The following SYK variants were observed in gnomAD, a reference collection of about 807,000 sequenced individuals.
The protein encoded by SYK is tyrosine-protein kinase SYK.
A neutral mutation model predicts 77.8 loss-of-function variants in SYK; 16 were observed. The observed-to-expected ratio is 0.21, with a 90% confidence interval of 0.14 to 0.31. The LOEUF is 0.31. Among genes scored for constraint, SYK ranks in the 10% least tolerant of loss-of-function variants. The probability of loss-of-function intolerance (pLI) is 1.00; values close to 1 mark genes in which losing one functional copy is unlikely to be tolerated. For synonymous variants in SYK, 312 were observed against 308.7 expected (o/e 1.01, Z -0.11); for missense variants, 529 against 814.4 (o/e 0.65, Z 4.26).
chr9:90,829,284 G>T (rs774861621), intron 1 of SYK, among the ~76,000 whole-genome samples: 5 of 133,052 alleles, frequency 3.8e-5, no homozygotes, highest in Non-Finnish European at 6.3e-5. Flanking sequence ...ATAAGACTCC[G>T]TCTCAAAAAA....
intron 13 of SYK, among the ~76,000 whole-genome samples, chr9:90,890,557 C>A (rs951335501): frequency 1.3e-5 from 2 of 152,232 alleles, no homozygotes; most frequent in African/African-American, 4.8e-5. Flanking sequence ...GGTTCCCACC[C>A]CAGTCCGCTC....
chr9:90,827,979 G>A (rs1007422900), intron 1 of SYK, among the ~76,000 whole-genome samples: 1 of 42,234 alleles, frequency 2.4e-5, no homozygotes, highest in Non-Finnish European at 4.0e-5. Flanking sequence ...GAATGCTAGC[G>A]ATTTTTTTTA....
intron 1 of SYK, among the ~76,000 whole-genome samples, chr9:90,824,650 G>A (rs1350660251): frequency 1.3e-5 from 2 of 151,490 alleles, no homozygotes; most frequent in African/African-American, 4.9e-5. Flanking sequence ...GGCAGAAAGG[G>A]CATTTGACAA....
chr9:90,842,639 GTGTT>G (rs766320886), intron 1 of SYK, among the ~76,000 whole-genome samples: 29 of 151,372 alleles, frequency 1.9e-4, no homozygotes, highest in African/African-American at 6.8e-4. Context: ...TGTAGTTTGT[GTGTT>G]TGGTGTGTGT....
At position 90,823,512 on chromosome 9, in the gene SYK, A is replaced by G. The variant is rs561812642; in HGVS notation, c.-41-20346A>G. On this transcript the variant is annotated intron_variant, in intron 1 of 13. Transcript: ENST00000375754. ...ACATTCTTGGAAAACATGTTAACACATTTGAAAGACTAAACGTCATACCAA... is the reference window on the plus strand; with the variant it reads ...ACATTCTTGGAAAACATGTTAACACGTTTGAAAGACTAAACGTCATACCAA... 9.4e-4 allele frequency among the ~76,000 whole-genome samples: 143 copies of G among 152,354 alleles called. 1 individual carries two copies. The highest frequency in any genetic ancestry group is 3.4e-3 in the Middle Eastern group (1 of 294).
intron 8 of SYK, 148 bp downstream of exon 8, chr9:90,874,439 G>T: frequency 2.2e-6 from 2 of 928,612 alleles, no homozygotes; most frequent in Non-Finnish European, 3.4e-6. Flanking sequence ...CTAGTGGCAG[G>T]CAGCAGGCAC....
At chr9:90,855,496 C>A (rs1053309127) in intron 3 of SYK, among the ~76,000 whole-genome samples, 1 of 152,150 alleles carries the variant, frequency 6.6e-6, no homozygotes, top group Non-Finnish European at 1.5e-5. Context: ...GTGGACACAA[C>A]CCTTTTTCTT....
intron 4 of SYK, among the ~76,000 whole-genome samples, chr9:90,863,225 T>C (rs1389597438): frequency 2.0e-5 from 3 of 152,140 alleles, no homozygotes; most frequent in Non-Finnish European, 2.9e-5. Context: ...CTATAAACTG[T>C]AGTAGGTTCA....
chr9:90,863,850 T>C (rs536484511), intron 4 of SYK, among the ~76,000 whole-genome samples: 1 of 152,336 alleles, frequency 6.6e-6, no homozygotes, highest in South Asian at 2.1e-4. Flanking sequence ...TGTGGCGTTC[T>C]GTCACCATTT....
chr9:90,872,989 C>G (rs1411776680), intron 7 of SYK, among the ~76,000 whole-genome samples: 1 of 152,174 alleles, frequency 6.6e-6, no homozygotes, highest in Non-Finnish European at 1.5e-5. Context: ...ACAAATAAGA[C>G]CAGATGTCCT....
At position 90,888,635 on chromosome 9, in the gene SYK, C is replaced by T. The variant is rs764556077; in HGVS notation, c.1835+8C>T. On this transcript the variant is annotated splice_region_variant and intron_variant, in intron 13 of 13. Coordinates refer to ENST00000375754, the MANE Select transcript of SYK (RefSeq NM_003177.7). ...TCTGTGCTGGACATACGAGTGAGTA[C>T]CTGACACTGACTGTGATGTATTCAG... is the stretch of plus-strand genomic sequence containing the variant. 2 of 1,568,882 alleles carry T rather than the reference C, an allele frequency of 1.3e-6. No individual in the cohort carries two copies. Among genetic ancestry groups the T allele is most frequent in the Non-Finnish European group, 1.7e-6 (2 of 1,154,892 alleles).
At chr9:90,870,330 T>C (rs1212026938) in intron 7 of SYK, among the ~76,000 whole-genome samples, 2 of 152,194 alleles carry the variant, frequency 1.3e-5, no homozygotes, top group African/African-American at 2.4e-5. Context: ...CAGGGAACTT[T>C]TCAGCTTTGC....
chr9:90,841,266 G>A (rs1290709490), intron 1 of SYK, among the ~76,000 whole-genome samples: 1 of 151,606 alleles, frequency 6.6e-6, no homozygotes, highest in Non-Finnish European at 1.5e-5. Flanking sequence ...TGCAGTGTGT[G>A]TGGGTGTGTA....
intron 7 of SYK, among the ~76,000 whole-genome samples, chr9:90,867,593 C>T (rs189459517): frequency 1.5e-3 from 224 of 152,280 alleles, no homozygotes; most frequent in Non-Finnish European, 1.9e-3. Flanking sequence ...ATGTAAGTTA[C>T]GTTGTGATGG....
rs1345334181 is a variant in SYK at position 90,884,649 on chromosome 9, A to G, written c.1582-3100A>G. ...TATGTGTACATGTACATATATACAC[A>G]TATACACATATGTGTACATGTACAT... On this transcript the variant is annotated intron_variant, in intron 11 of 13. Coordinates refer to ENST00000375754, the MANE Select transcript of SYK (RefSeq NM_003177.7). Among the ~76,000 whole-genome samples the G allele has an allele frequency of 6.9e-4, 36 of 52,544 alleles. 8 individuals carry two copies. The highest frequency in any genetic ancestry group is 1.2e-3 in the Non-Finnish European group (35 of 28,886). 34.5% of individuals were successfully genotyped at this position (52,544 alleles called of 152,430 possible). A position where few individuals can be genotyped will look rare whatever the true frequency, so the allele number is the denominator to read the frequency against.
At position 90,874,718 on chromosome 9, in the gene SYK, C is replaced by T. The variant is rs1480135262; in HGVS notation, c.1050C>T (p.Ser350=). Residue 350 remains serine, a synonymous_variant, in exon 9 of 14, where the codon AGC becomes AGT. Coordinates refer to ENST00000375754, the MANE Select transcript of SYK (RefSeq NM_003177.7). ...ALPMDTEVYE[S]PYADPEEIRP... Reference sequence around the variant, plus strand: ...CCATGGACACAGAGGTGTACGAGAGCCCCTACGCGGACCCCGAGGAGATCA... The same window carrying T: ...CCATGGACACAGAGGTGTACGAGAGTCCCTACGCGGACCCCGAGGAGATCA... 1 of 1,614,088 alleles carries T rather than the reference C, an allele frequency of 6.2e-7. No individual in the cohort carries two copies. The highest frequency in any genetic ancestry group is 2.2e-5 in the East Asian group (1 of 44,880).
chr9:90,816,622 C>A (rs1825302413), intron 1 of SYK, among the ~76,000 whole-genome samples: 1 of 152,146 alleles, frequency 6.6e-6, no homozygotes, highest in Admixed American at 6.5e-5. Context: ...ATTAACATAC[C>A]CATCATCATA....
chr9:90,887,589 A>G (rs1415388332), intron 11 of SYK, among the ~76,000 whole-genome samples, 160 bp from the exon 12 acceptor site: 1 of 151,920 alleles, frequency 6.6e-6, no homozygotes, highest in African/African-American at 2.4e-5. Context: ...TATTTTTAAT[A>G]GAGATGGGGT....
intron 7 of SYK, among the ~76,000 whole-genome samples, chr9:90,869,507 CACAA>C (rs1048581109): frequency 2.0e-5 from 3 of 152,088 alleles, no homozygotes; most frequent in African/African-American, 4.8e-5. Context: ...TGTATATTTT[CACAA>C]ACAAATGGGG....
Sources: gnomAD v4.1 joint callset for allele counts (sites outside exome capture counted in the v4.1 genomes callset) on GRCh38, gnomAD v4.1.1 for gene constraint, MANE v1.5 for transcripts, NCBI Gene and HGNC (gene_info 2026-07-23, HGNC 2026-07-21) for gene names.